DCTN2: variants seen among roughly 807,000 people sequenced by gnomAD.
DCTN2 encodes 50 kDa dynein-associated polypeptide.
DCTN2 carries 18 observed loss-of-function variants against 55.4 expected under a neutral mutation model. That is an observed-to-expected ratio of 0.32 (90% CI 0.22 to 0.48). The LOEUF (loss-of-function observed/expected upper bound fraction) is 0.48, where lower values mean the gene tolerates loss of function less well. Among genes scored for constraint, DCTN2 ranks in the 20% least tolerant of loss-of-function variants. DCTN2 has a pLI of 0.99. For synonymous variants in DCTN2, 168 were observed against 185.2 expected, an observed-to-expected ratio of 0.91 and a Z score of 0.76; for missense variants, 390 against 491.0, an observed-to-expected ratio of 0.79 and a Z score of 1.94.
chr12:57,537,845 T>C (rs1419427145), intron 2 of DCTN2, among the ~76,000 whole-genome samples: 1 of 152,192 alleles, frequency 6.6e-6, no homozygotes, highest in African/African-American at 2.4e-5. Context: ...CTAATAGCTG[T>C]GTGATCTCTG....
intron 2 of DCTN2, among the ~76,000 whole-genome samples, chr12:57,539,747 C>T (rs560242074): frequency 5.3e-4 from 80 of 152,326 alleles, no homozygotes; most frequent in Middle Eastern, 3.4e-3. Context: ...CCTCTTTCCA[C>T]CAGGCACGGT....
chr12:57,543,725 G>A, intron 2 of DCTN2: 6 of 1,223,830 alleles, frequency 4.9e-6, no homozygotes, highest in Non-Finnish European at 6.3e-6. Context: ...TAGTGACAGA[G>A]AGTCACTTAG....
chr12:57,540,528 T>G (rs1023018809), intron 2 of DCTN2, among the ~76,000 whole-genome samples: 1 of 152,120 alleles, frequency 6.6e-6, no homozygotes, highest in African/African-American at 2.4e-5. Flanking sequence ...TCTCTTTCAC[T>G]AAGGGACTCC....
rs180991836 is a variant in DCTN2, at chr12:57,532,524, G to T, written c.924+48C>A. ...TTCTCATGCTTTGACACTGCCACTCGGAGAACCTGAGGGAGTGGAAAGGAG... is the reference window on the plus strand; with the variant it reads ...TTCTCATGCTTTGACACTGCCACTCTGAGAACCTGAGGGAGTGGAAAGGAG... On this transcript the variant is annotated intron_variant, in intron 11 of 13. Coordinates refer to ENST00000548249, the MANE Select transcript of DCTN2 (RefSeq NM_001261413.2). 3 of 1,589,776 alleles carry T rather than the reference G, an allele frequency of 1.9e-6. No homozygotes were observed. In the South Asian group the frequency reaches 3.3e-5, roughly 18 times the overall value.
intron 6 of DCTN2, 26 bp downstream of exon 6, chr12:57,534,265 GA>G (rs1880026398): frequency 2.6e-6 from 4 of 1,558,686 alleles, no homozygotes; most frequent in Middle Eastern, 1.8e-4. Context: ...AGTCAGCAAT[GA>G]TTTTTCAACA....
rs769794673 is a variant in DCTN2, at chr12:57,535,468, C to T, written c.264+16G>A. The T allele has an allele frequency of 1.9e-6, 3 of 1,613,906 alleles. No individual in the cohort carries two copies. Among genetic ancestry groups the T allele is most frequent in the East Asian group, 4.5e-5 (2 of 44,886 alleles). ...ACTACACCATTCCCATCAACACACA[C>T]ACACACACAACAAACCATCTCATAT... On this transcript the variant is annotated intron_variant, in intron 4 of 13. Transcript: ENST00000548249.
chr12:57,541,388 G>A (rs1453904659), intron 2 of DCTN2: 1 of 1,599,366 alleles, frequency 6.3e-7, no homozygotes, highest in Non-Finnish European at 8.5e-7. Flanking sequence ...GTCCAGGCAA[G>A]GTGGTGAGGA....
Position 57,534,401 on chromosome 12 carries a change from C to T in DCTN2, c.415G>A (p.Ala139Thr). The change falls in exon 6 of 14, where the codon GCT becomes ACT. Residue 139 changes from alanine (A) to threonine (T), a missense_variant. Ala to Thr is a moderately conservative substitution (Grantham distance 58, BLOSUM62 0). Transcript: ENST00000548249. ...TEEKLTPVLL[A>T]KQLAALKQQL... The stretch of plus-strand genomic sequence containing the variant: ...TGCTTCAGGGCTGCCAGCTGTTTAG[C>T]CAGCAACACAGGGGTCAGCTTCTCC... The T allele has an allele frequency of 6.2e-7, 1 of 1,612,534 alleles. No homozygotes were observed. Among genetic ancestry groups the T allele is most frequent in the Non-Finnish European group, 8.5e-7 (1 of 1,179,034 alleles).
At chr12:57,546,967 T>TGG in intron 1 of DCTN2, 61 bp downstream of exon 1, 2 of 1,207,980 alleles carry the variant, frequency 1.7e-6, no homozygotes, top group Non-Finnish European at 2.1e-6. Context: ...TGGTTTCTGC[T>TGG]GGGGGTCCTT....
chr12:57,534,026 G>T lies in DCTN2; in HGVS notation c.596C>A (p.Pro199His). 1 of 1,613,498 alleles carries T rather than the reference G, an allele frequency of 6.2e-7. No individual in the cohort carries two copies. Among genetic ancestry groups the T allele is most frequent in the Non-Finnish European group, 8.5e-7 (1 of 1,179,692 alleles). Residue 199 changes from proline to histidine, a missense_variant, in exon 7 of 14, where the codon CCC becomes CAC. This residue lies in a region of DCTN2 where 273 missense variants were observed against 303.2 expected (regional missense o/e 0.90). Coordinates refer to ENST00000548249, the MANE Select transcript of DCTN2 (RefSeq NM_001261413.2). ...ATAAGTGACAAGGCTGCTATCTGGG[G>T]GGGTCCCAGTGGTTTTTCCCCCTGA... Reference protein sequence around the residue: ...GGSGGKTTGTPPDSSLVTYEL... With the variant: ...GGSGGKTTGTHPDSSLVTYEL...
chr12:57,532,880 A>G, intron 9 of DCTN2, 70 bp from the exon 10 acceptor site: 1 of 1,601,386 alleles, frequency 6.2e-7, no homozygotes, highest in South Asian at 1.1e-5. Flanking sequence ...CCCATATTCC[A>G]CTAAATTAAT....
intron 2 of DCTN2, chr12:57,538,225 GGA>G: frequency 2.0e-6 from 1 of 502,912 alleles, no homozygotes; most frequent in Non-Finnish European, 3.7e-6. Context: ...TCCTGCTGTG[GGA>G]GAGTGTCCTG....
At chr12:57,546,323 G>A (rs1237026890) in intron 1 of DCTN2, among the ~76,000 whole-genome samples, 1 of 152,166 alleles carries the variant, frequency 6.6e-6, no homozygotes, top group East Asian at 1.9e-4. Context: ...GTGAGTGTAA[G>A]TGATAGCAAC....
chr12:57,538,121 C>G (rs576471218), intron 2 of DCTN2: 1 of 333,144 alleles, frequency 3.0e-6, no homozygotes, highest in Non-Finnish European at 5.9e-6. Flanking sequence ...ATTTACGTTC[C>G]TAAGTAGGGA....
rs370761721 is a variant in DCTN2 at position 57,535,476 on chromosome 12, C to A, written c.264+8G>T. ...ATTCCCATCAACACACACACACACA[C>A]AACAAACCATCTCATATTCTCCAGA... On this transcript the variant is annotated splice_region_variant and intron_variant, in intron 4 of 13. Coordinates refer to ENST00000548249, the MANE Select transcript of DCTN2 (RefSeq NM_001261413.2). 3 of 1,613,934 alleles carry A rather than the reference C, an allele frequency of 1.9e-6. No homozygotes were observed. In the African/African-American group the frequency reaches 4.0e-5, roughly 22 times the overall value.
At chr12:57,532,343 G>C in intron 11 of DCTN2, 28 bp from the exon 12 acceptor site, 1 of 1,540,222 alleles carries the variant, frequency 6.5e-7, no homozygotes, top group East Asian at 2.4e-5. Context: ...GGCCCAGAGG[G>C]GATGGCTGAG....
At chr12:57,537,253 G>A (rs1880311517) in intron 2 of DCTN2, among the ~76,000 whole-genome samples, 1 of 151,384 alleles carries the variant, frequency 6.6e-6, no homozygotes, top group Non-Finnish European at 1.5e-5. Flanking sequence ...AGGGTCACTT[G>A]AGCCTGGCAG....
intron 4 of DCTN2, 104 bp from the exon 5 acceptor site, chr12:57,535,258 G>T: frequency 1.9e-6 from 2 of 1,053,950 alleles, no homozygotes; most frequent in Non-Finnish European, 2.8e-6. Context: ...ATATCCAATT[G>T]AGAATCCACA....
At chr12:57,530,825 C>A in intron 13 of DCTN2, 50 bp from the exon 14 acceptor site, 4 of 1,447,462 alleles carry the variant, frequency 2.8e-6, no homozygotes, top group Non-Finnish European at 2.9e-6. Context: ...AGTTGCTTAA[C>A]TGGATGAGGA....
Sources: allele counts gnomAD v4.1 joint callset (sites outside exome capture counted in the v4.1 genomes callset), GRCh38; gene constraint gnomAD v4.1.1; regional missense constraint gnomAD v4.1.1; transcripts MANE v1.5; gene names NCBI Gene and HGNC (gene_info 2026-07-23, HGNC 2026-07-21).